KCNH5: variants seen among roughly 807,000 people sequenced by gnomAD.
KCNH5 encodes potassium voltage-gated channel subfamily H member 5, also known as voltage-gated delayed rectifier potassium channel KCNH5.
KCNH5 carries 46 observed loss-of-function variants against 96.1 expected under a neutral mutation model. The ratio of observed to expected loss-of-function variants is 0.48; its 90% CI spans 0.38 to 0.61. The LOEUF is 0.61. Among genes scored for constraint, KCNH5 ranks in the 20% least tolerant of loss-of-function variants. The pLI is 0.00. For synonymous variants in KCNH5, 439 were observed against 449.8 expected, an observed-to-expected ratio of 0.98 and a Z score of 0.30; for missense variants, 907 against 1,225.8, an observed-to-expected ratio of 0.74 and a Z score of 3.88.
chr14:63,001,351 A>C lies in KCNH5; in HGVS notation c.413T>G (p.Ile138Arg). The change falls in exon 4 of 11, where the codon ATA becomes AGA. Residue 138 changes from isoleucine (I) to arginine (R), a missense_variant. By Grantham distance (97) the Ile-to-Arg change is moderately conservative. Transcript: ENST00000322893. Reference sequence around the variant, plus strand: ...ATTACCTTTTGTTGAATCATCCTCTATTGGCTGTTTGAACAACGTAATATC... The same window carrying C: ...ATTACCTTTTGTTGAATCATCCTCTCTTGGCTGTTTGAACAACGTAATATC... The part of the protein sequence containing the change: ...FKDITLFKQP[I>R]EDDSTKGWTK... The C allele has an allele frequency of 6.2e-7, 1 of 1,609,512 alleles. No homozygotes were observed. The highest frequency in any genetic ancestry group is 8.5e-7 in the Non-Finnish European group (1 of 1,178,318).
rs568343047 is a variant in KCNH5, at chr14:63,023,968, G to A, written c.74-7014C>T. On this transcript the variant is annotated intron_variant, in intron 1 of 10. Coordinates refer to ENST00000322893, the MANE Select transcript of KCNH5 (RefSeq NM_139318.5). The stretch of plus-strand genomic sequence containing the variant: ...CTCATGCCTGTGATCCCAGCACTTT[G>A]GGAGGCTGAGCCAGGCAAATCATGA... 3.3e-5 allele frequency among the ~76,000 whole-genome samples: 5 copies of A among 152,174 alleles called. No individual in the cohort carries two copies. The East Asian group carries it at 9.7e-4, about 29-fold the overall frequency.
intron 1 of KCNH5, among the ~76,000 whole-genome samples, chr14:63,022,444 TTTTGTTTG>T (rs113415553): frequency 0.048 from 7,234 of 152,028 alleles, 194 homozygotes; most frequent in East Asian, 0.062. Flanking sequence ...CAAACGAGTT[TTTTGTTTG>T]TTTGTTTGTT....
At chr14:62,737,296 G>A (rs922104015) in intron 10 of KCNH5, among the ~76,000 whole-genome samples, 4 of 152,048 alleles carry the variant, frequency 2.6e-5, no homozygotes, top group Non-Finnish European at 5.9e-5. Flanking sequence ...TATAGCATTT[G>A]GCACATGAAA....
At chr14:62,839,599 T>A (rs969601543) in intron 8 of KCNH5, among the ~76,000 whole-genome samples, 1 of 152,204 alleles carries the variant, frequency 6.6e-6, no homozygotes, top group African/African-American at 2.4e-5. Flanking sequence ...CCTGGATCAA[T>A]TTACGTGTTG....
chr14:62,928,099 G>A (rs908991920), intron 7 of KCNH5, among the ~76,000 whole-genome samples: 5 of 152,022 alleles, frequency 3.3e-5, no homozygotes, highest in Non-Finnish European at 7.4e-5. Flanking sequence ...TTTCAAATAA[G>A]AATATGAAAA....
Position 62,950,119 on chromosome 14 carries a change from A to G in KCNH5, c.1369+14T>C. 1 of 1,611,918 alleles carries G rather than the reference A, an allele frequency of 6.2e-7. No homozygotes were observed. Among genetic ancestry groups the G allele is most frequent in the Non-Finnish European group, 8.5e-7 (1 of 1,178,736 alleles). ...AATAACAATAATTTTCAATGAAAAA[A>G]TTAAAATACTTACAGCCAACCATCA... On this transcript the variant is annotated intron_variant, in intron 7 of 10. Transcript: ENST00000322893.
chr14:62,911,536 C>A (rs1388834339), intron 7 of KCNH5, among the ~76,000 whole-genome samples: 3 of 151,660 alleles, frequency 2.0e-5, no homozygotes, highest in Admixed American at 2.0e-4. Context: ...GGAATTGTAC[C>A]CTACCAGATC....
Position 62,779,781 on chromosome 14 carries a change from A to T in KCNH5, c.1966T>A (p.Phe656Ile). 6.2e-7 allele frequency: 1 copy of T among 1,613,994 alleles called. No individual in the cohort carries two copies. Among genetic ancestry groups the T allele is most frequent in the Non-Finnish European group, 8.5e-7 (1 of 1,179,922 alleles). Residue 656 changes from phenylalanine to isoleucine, a missense_variant, in exon 10 of 11, where the codon TTT (phenylalanine) becomes ATT (isoleucine). By Grantham distance (21) the Phe-to-Ile change is conservative. Transcript: ENST00000322893. ...LLKVLDFYTA[F>I]ANSFSRNLTL... Reference sequence around the variant, plus strand: ...AGATTCCTTGAGAAGGAGTTTGCAAAAGCTGTATAAAAGTCCAGGACTTTG... The same window carrying T: ...AGATTCCTTGAGAAGGAGTTTGCAATAGCTGTATAAAAGTCCAGGACTTTG...
chr14:62,824,817 A>G (rs776329497), intron 8 of KCNH5, among the ~76,000 whole-genome samples: 5 of 151,938 alleles, frequency 3.3e-5, no homozygotes, highest in Non-Finnish European at 7.4e-5. Flanking sequence ...TGCCATCTTT[A>G]CGTCCATGAG....
chr14:62,947,816 A>C (rs1467093069), intron 7 of KCNH5, among the ~76,000 whole-genome samples: 6 of 151,576 alleles, frequency 4.0e-5, no homozygotes, highest in Non-Finnish European at 7.4e-5. Flanking sequence ...TTTTTTATTT[A>C]TTTATTTATT....
At chr14:62,709,060 C>T (rs1012816373) in intron 10 of KCNH5, among the ~76,000 whole-genome samples, 3 of 150,958 alleles carry the variant, frequency 2.0e-5, no homozygotes, top group Admixed American at 6.6e-5. Context: ...GGTGAAACCC[C>T]GTCTCTACTA....
rs373093760 is a variant in KCNH5, at chr14:62,948,564, G to A, written c.1369+1569C>T. Among the ~76,000 whole-genome samples, 73 of 151,750 alleles carry A rather than the reference G, an allele frequency of 4.8e-4. 4 individuals carry two copies. In the South Asian group the frequency reaches 6.9e-3, roughly 14 times the overall value. On this transcript the variant is annotated intron_variant, in intron 7 of 10. Transcript: ENST00000322893. ...TCCAGGACCAGATGGATTCACAGCC[G>A]AATTCTACCAGAGGTATAAGGAGGA...
chr14:62,902,904 G>T (rs963087246), intron 7 of KCNH5, among the ~76,000 whole-genome samples: 2 of 151,898 alleles, frequency 1.3e-5, no homozygotes, highest in African/African-American at 2.4e-5. Context: ...ATTTTTAGTA[G>T]AGATGGGGTT....
intron 9 of KCNH5, among the ~76,000 whole-genome samples, chr14:62,800,883 G>A (rs1314628463): frequency 2.0e-5 from 3 of 150,586 alleles, no homozygotes; most frequent in Non-Finnish European, 3.0e-5. Context: ...AAGCACTAAC[G>A]AGCATTAAAC....
At chr14:62,743,309 G>A (rs921575149) in intron 10 of KCNH5, among the ~76,000 whole-genome samples, 1 of 152,108 alleles carries the variant, frequency 6.6e-6, no homozygotes, top group African/African-American at 2.4e-5. Context: ...AGTTCCCTGG[G>A]TAATTCTAAT....
intron 10 of KCNH5, among the ~76,000 whole-genome samples, chr14:62,729,015 A>G (rs1884995208): frequency 6.6e-6 from 1 of 152,174 alleles, no homozygotes; most frequent in African/African-American, 2.4e-5. Flanking sequence ...TTTTTAATTT[A>G]CTTTTTAAAA....
intron 9 of KCNH5, among the ~76,000 whole-genome samples, chr14:62,791,362 A>G (rs931479578): frequency 2.6e-5 from 4 of 151,360 alleles, no homozygotes; most frequent in Admixed American, 2.0e-4. Context: ...CACAAGAAGG[A>G]AAAAAAAGGA....
intron 7 of KCNH5, among the ~76,000 whole-genome samples, chr14:62,934,161 T>C (rs1889633495): frequency 6.7e-6 from 1 of 150,374 alleles, no homozygotes; most frequent in African/African-American, 2.5e-5. Context: ...AGATAGAGTC[T>C]CACTCTGTCA....
chr14:62,996,567 A>C (rs1427016912), intron 4 of KCNH5, among the ~76,000 whole-genome samples: 1 of 152,258 alleles, frequency 6.6e-6, no homozygotes, highest in East Asian at 1.9e-4. Flanking sequence ...TATTCATTTC[A>C]AAGAGACTGA....
Sources: gnomAD v4.1 joint callset for allele counts (sites outside exome capture counted in the v4.1 genomes callset) on GRCh38, gnomAD v4.1.1 for gene constraint, MANE v1.5 for transcripts, NCBI Gene and HGNC (gene_info 2026-07-23, HGNC 2026-07-21) for gene names.